The following IFT74 variants were observed in gnomAD, a reference collection of about 807,000 sequenced individuals.
The protein encoded by IFT74 is intraflagellar transport protein 74 homolog.
IFT74 carries 92 observed loss-of-function variants against 96.7 expected under a neutral mutation model. The observed-to-expected ratio is 0.95, with a 90% CI of 0.80 to 1.13. The LOEUF is 1.13. Ranked by LOEUF, IFT74 falls within the 50% of genes most tolerant of loss-of-function variation. IFT74 has a pLI of 0.00. For synonymous variants in IFT74, 223 were observed against 213.2 expected, an observed-to-expected ratio of 1.05 and a Z score of -0.40; for missense variants, 811 against 698.2, an observed-to-expected ratio of 1.16 and a Z score of -1.82.
chr9:27,030,848 A>C (rs1365686030), intron 13 of IFT74, among the ~76,000 whole-genome samples: 1 of 152,222 alleles, frequency 6.6e-6, no homozygotes, highest in Non-Finnish European at 1.5e-5. Context: ...AAAGTAATAG[A>C]AAAAGTATTG....
chr9:27,036,681 G>GT, intron 13 of IFT74: 2 of 1,292,606 alleles, frequency 1.5e-6, no homozygotes, highest in Non-Finnish European at 9.8e-7. Flanking sequence ...CTTTGCTTCT[G>GT]TGAAAAAAAA....
chr9:27,029,003 T>G, intron 12 of IFT74, 22 bp from the exon 13 acceptor site: 1 of 1,553,260 alleles, frequency 6.4e-7, no homozygotes. Context: ...CTTCATAAAT[T>G]CATTAAAAAT....
intron 7 of IFT74, 145 bp downstream of exon 7, chr9:26,988,873 C>G (rs1827750890): frequency 1.3e-6 from 1 of 765,948 alleles, no homozygotes; most frequent in African/African-American, 1.8e-5. Context: ...TTAGGTATTC[C>G]TTGAGCTCCC....
At chr9:27,031,921 A>G (rs1830146520) in intron 13 of IFT74, among the ~76,000 whole-genome samples, 2 of 152,234 alleles carry the variant, frequency 1.3e-5, no homozygotes, top group Admixed American at 1.3e-4. Context: ...TCTGTTGCCC[A>G]GGCTGATCTC....
At chr9:27,031,342 C>T (rs796534654) in intron 13 of IFT74, among the ~76,000 whole-genome samples, 2 of 152,168 alleles carry the variant, frequency 1.3e-5, no homozygotes, top group African/African-American at 4.8e-5. Flanking sequence ...TGGTGGGCGC[C>T]TGTAGTCCCA....
At chr9:26,972,562 C>T (rs917739880) in intron 2 of IFT74, among the ~76,000 whole-genome samples, 4 of 152,212 alleles carry the variant, frequency 2.6e-5, no homozygotes, top group African/African-American at 9.6e-5. Flanking sequence ...ACATCTGTTT[C>T]AGCTCTTCAA....
upstream of IFT74, among the ~76,000 whole-genome samples, chr9:26,954,277 A>G (rs1826014893): frequency 6.6e-6 from 1 of 152,212 alleles, no homozygotes; most frequent in Non-Finnish European, 1.5e-5. Flanking sequence ...CTTAAAACGG[A>G]ATCACAAGTG....
chr9:26,963,493 C>A (rs2131484955), intron 2 of IFT74, among the ~76,000 whole-genome samples: 2 of 150,616 alleles, frequency 1.3e-5, no homozygotes. Flanking sequence ...ATGGCTGGGT[C>A]AAATGGTATT....
rs775728464 is a variant in IFT74, at chr9:26,962,036, G to A, written c.69G>A (p.Arg23=). The stretch of plus-strand genomic sequence containing the variant: ...GAGGTGGAGTTGGGTTAACAGGAAG[G>A]CCTCCTTCTGGGATACGACCCCTAT... The part of the protein sequence containing the change: ...VSRGGVGLTG[R]PPSGIRPLSG... The change falls in exon 2 of 20, where the codon AGG becomes AGA. Residue 23 remains arginine, a synonymous_variant. Coordinates refer to ENST00000380062, the MANE Select transcript of IFT74 (RefSeq NM_025103.4). The A allele has an allele frequency of 6.2e-7, 1 of 1,614,130 alleles. No individual in the cohort carries two copies. Among genetic ancestry groups the A allele is most frequent in the Non-Finnish European group, 8.5e-7 (1 of 1,179,988 alleles).
chr9:26,975,175 G>C (rs915861144), intron 2 of IFT74, among the ~76,000 whole-genome samples: 4 of 152,154 alleles, frequency 2.6e-5, no homozygotes, highest in Admixed American at 2.6e-4. Context: ...GCACTGAGCA[G>C]AGGAAGATGA....
Position 27,048,178 on chromosome 9 carries a change from A to C in IFT74, c.1237A>C (p.Ile413Leu). 1 of 1,600,238 alleles carries C rather than the reference A, an allele frequency of 6.2e-7. No homozygotes were observed. Among genetic ancestry groups the C allele is most frequent in the Non-Finnish European group, 8.6e-7 (1 of 1,169,536 alleles). Residue 413 changes from isoleucine to leucine, a missense_variant, in exon 16 of 20, where the codon ATC (isoleucine) becomes CTC (leucine). Coordinates refer to ENST00000380062, the MANE Select transcript of IFT74 (RefSeq NM_025103.4). ...AAATCGTATAGAACAGATATCCTCT[A>C]TCACCAATCAAGAGCTAAAGATGAT... ...NINRIEQISS[I>L]TNQELKMMQD...
intron 19 of IFT74, 41 bp downstream of exon 19, chr9:27,060,692 C>T (rs1318859758): frequency 2.7e-6 from 4 of 1,469,732 alleles, no homozygotes; most frequent in Non-Finnish European, 3.8e-6. Flanking sequence ...GGTGCGGTGG[C>T]TCATGCCTAT....
At chr9:26,982,622 A>C (rs1224689872) in intron 4 of IFT74, among the ~76,000 whole-genome samples, 1 of 151,604 alleles carries the variant, frequency 6.6e-6, no homozygotes, top group Non-Finnish European at 1.5e-5. Flanking sequence ...TGCCCAGCTA[A>C]TTTTGTATTT....
At chr9:27,027,499 A>G (rs1335648663) in intron 12 of IFT74, among the ~76,000 whole-genome samples, 1 of 152,134 alleles carries the variant, frequency 6.6e-6, no homozygotes, top group African/African-American at 2.4e-5. Flanking sequence ...TTTTTCTATT[A>G]TAGCCATTCC....
Position 27,063,725 on chromosome 9 carries a change from G to T in IFT74, c.*989G>T, listed in dbSNP as rs1820524201. ...TCTTAAACCAAAATAGCTTTATTGA[G>T]ATATTATTTACATACTTTAAAATTT... On this transcript the variant is annotated 3_prime_UTR_variant, in exon 20 of 20. Coordinates refer to ENST00000380062, the MANE Select transcript of IFT74 (RefSeq NM_025103.4). Among the ~76,000 whole-genome samples the T allele has an allele frequency of 6.6e-6, 1 of 151,880 alleles. No individual in the cohort carries two copies. The highest frequency in any genetic ancestry group is 2.4e-5 in the African/African-American group (1 of 41,362).
intron 12 of IFT74, among the ~76,000 whole-genome samples, chr9:27,024,378 G>A (rs1041512208): frequency 2.0e-5 from 3 of 152,140 alleles, no homozygotes; most frequent in Admixed American, 6.5e-5. Context: ...CCCAGAGCCC[G>A]GTAGCTCTGG....
At chr9:26,995,116 C>A (rs191694039) in intron 8 of IFT74, 3 of 153,592 alleles carry the variant, frequency 2.0e-5, no homozygotes, top group East Asian at 3.8e-4. Flanking sequence ...ACTTTGACTT[C>A]CATATATTAA....
At chr9:26,983,935 C>T (rs1046344308) in intron 4 of IFT74, 2 of 189,910 alleles carry the variant, frequency 1.1e-5, no homozygotes, top group Non-Finnish European at 2.1e-5. Context: ...AGGCGTGTGC[C>T]ACCATGCCCA....
intron 8 of IFT74, among the ~76,000 whole-genome samples, chr9:27,007,106 G>A (rs1245964867): frequency 6.6e-6 from 1 of 151,876 alleles, no homozygotes; most frequent in East Asian, 1.9e-4. Context: ...TAAAGTGCTG[G>A]GATTACAGGC....
Sources: gnomAD v4.1 joint callset for allele counts (sites outside exome capture counted in the v4.1 genomes callset) on GRCh38, gnomAD v4.1.1 for gene constraint, MANE v1.5 for transcripts, NCBI Gene and HGNC (gene_info 2026-07-23, HGNC 2026-07-21) for gene names.